Variants in MAMDC2 observed in about 807,000 individuals in gnomAD.
MAMDC2 encodes the protein MAM domain containing 2, also known as MAM domain-containing protein 2.
MAMDC2 carries 57 observed loss-of-function variants against 89.8 expected under a neutral mutation model. The observed-to-expected ratio is 0.63, with a 90% CI of 0.51 to 0.79. The LOEUF (loss-of-function observed/expected upper bound fraction) is 0.79, where lower values mean the gene tolerates loss of function less well. Among genes scored for constraint, MAMDC2 ranks in the 30% least tolerant of loss-of-function variants. The pLI, the probability that MAMDC2 is intolerant of heterozygous loss-of-function variation, is 0.00. For synonymous variants in MAMDC2, 313 were observed against 293.4 expected (o/e 1.07, Z -0.68); for missense variants, 800 against 820.6 (o/e 0.97, Z 0.31).
At chr9:70,132,426 G>A (rs1440875160) in intron 7 of MAMDC2, among the ~76,000 whole-genome samples, 2 of 152,138 alleles carry the variant, frequency 1.3e-5, no homozygotes, top group South Asian at 2.1e-4. Context: ...ATGTAGCATG[G>A]AAAGTAATTT....
chr9:70,092,783 A>G (rs1220289640), intron 2 of MAMDC2: 1 of 152,222 alleles, frequency 6.6e-6, no homozygotes, highest in Non-Finnish European at 1.5e-5. Context: ...AATGTTTTAT[A>G]TTCATGAATC....
At chr9:70,142,446 A>G (rs1009396813) in intron 8 of MAMDC2, among the ~76,000 whole-genome samples, 1 of 152,254 alleles carries the variant, frequency 6.6e-6, no homozygotes, top group Non-Finnish European at 1.5e-5. Flanking sequence ...GGTTTTAAGC[A>G]GAAAAAACAC....
intron 5 of MAMDC2, among the ~76,000 whole-genome samples, chr9:70,116,285 C>T: frequency 6.6e-6 from 1 of 152,184 alleles, no homozygotes; most frequent in East Asian, 1.9e-4. Context: ...AGTGTCAAAT[C>T]ATCCATTTGC....
At chr9:70,155,017 G>A (rs146892554) in intron 9 of MAMDC2, among the ~76,000 whole-genome samples, 26 of 152,214 alleles carry the variant, frequency 1.7e-4, no homozygotes, top group Non-Finnish European at 2.9e-4. Context: ...GGTCAGTGAT[G>A]TGGTTGCTTC....
At chr9:70,215,456 T>G (rs2033427085) in intron 11 of MAMDC2, among the ~76,000 whole-genome samples, 1 of 152,236 alleles carries the variant, frequency 6.6e-6, no homozygotes, top group Non-Finnish European at 1.5e-5. Context: ...AAAGTTGAAG[T>G]TGACTGGATG....
chr9:70,114,195 C>T (rs1287510683), intron 5 of MAMDC2, among the ~76,000 whole-genome samples: 5 of 149,468 alleles, frequency 3.3e-5, no homozygotes, highest in African/African-American at 1.2e-4. Flanking sequence ...TCCTTTATAT[C>T]CAGAGTCTCA....
intron 11 of MAMDC2, among the ~76,000 whole-genome samples, chr9:70,183,067 C>A (rs142471328): frequency 0.047 from 7,116 of 152,226 alleles, 201 homozygotes; most frequent in South Asian, 0.073. Flanking sequence ...TCATTGGTTT[C>A]AAAACACATC....
chr9:70,217,588 G>A, intron 11 of MAMDC2: 1 of 1,609,438 alleles, frequency 6.2e-7, no homozygotes, highest in South Asian at 1.1e-5. Flanking sequence ...TACTGCTAAG[G>A]CACCTACAAA....
Position 70,131,513 on chromosome 9 carries a change from C to G in MAMDC2, c.901-6C>G, listed in dbSNP as rs1357586498. Reference sequence around the variant, plus strand: ...ACATGTGACAGCATGCCATTTTCCTCTGCAGGTTATTTTTGAAGTTGCTTT... The same window carrying G: ...ACATGTGACAGCATGCCATTTTCCTGTGCAGGTTATTTTTGAAGTTGCTTT... On this transcript the variant is annotated splice_polypyrimidine_tract_variant and splice_region_variant and intron_variant, in intron 6 of 13. Coordinates refer to ENST00000377182, the MANE Select transcript of MAMDC2 (RefSeq NM_153267.5). 2 of 1,589,194 alleles carry G rather than the reference C, an allele frequency of 1.3e-6. No homozygotes were observed. Among genetic ancestry groups the G allele is most frequent in the African/African-American group, 2.7e-5 (2 of 73,428 alleles).
intron 7 of MAMDC2, among the ~76,000 whole-genome samples, chr9:70,131,848 T>C: frequency 6.6e-6 from 1 of 152,344 alleles, no homozygotes; most frequent in East Asian, 1.9e-4. Flanking sequence ...GAAGGTTTCA[T>C]CTTTCCTTTC....
chr9:70,170,461 T>A lies in MAMDC2; in HGVS notation c.1499-18T>A. The stretch of plus-strand genomic sequence containing the variant: ...TGAAAGAGTCTCAGTGATTGCAACA[T>A]CTGCTATTTTCTTGCAGAGAAACTT... On this transcript the variant is annotated intron_variant, in intron 10 of 13. Transcript: ENST00000377182. 1 of 1,594,946 alleles carries A rather than the reference T, an allele frequency of 6.3e-7. No individual in the cohort carries two copies. Among genetic ancestry groups the A allele is most frequent in the Non-Finnish European group, 8.5e-7 (1 of 1,172,390 alleles).
At chr9:70,099,424 A>G (rs1399721772) in intron 2 of MAMDC2, among the ~76,000 whole-genome samples, 1 of 152,212 alleles carries the variant, frequency 6.6e-6, no homozygotes, top group African/African-American at 2.4e-5. Flanking sequence ...TGGCTTATAC[A>G]TAATTGAGGA....
At chr9:70,162,773 G>A (rs2032018440) in intron 9 of MAMDC2, among the ~76,000 whole-genome samples, 1 of 151,922 alleles carries the variant, frequency 6.6e-6, no homozygotes, top group Admixed American at 6.6e-5. Context: ...ATGAGCCATG[G>A]CACCTGGACT....
At position 70,200,533 on chromosome 9, in the gene MAMDC2, G is replaced by C. The variant is rs1045717515; in HGVS notation, c.1652-17804G>C. Reference sequence around the variant, plus strand: ...TGGCTTAGGATTGACTTGGCGATGCGGGCTCTTTTTTGGTTCCATACGAAC... The same window carrying C: ...TGGCTTAGGATTGACTTGGCGATGCCGGCTCTTTTTTGGTTCCATACGAAC... On this transcript the variant is annotated intron_variant, in intron 11 of 13. Transcript: ENST00000377182. Among the ~76,000 whole-genome samples, 64 of 151,294 alleles carry C rather than the reference G, an allele frequency of 4.2e-4. 1 individual carries two copies. Among genetic ancestry groups the C allele is most frequent in the African/African-American group, 1.5e-3 (60 of 41,250 alleles).
chr9:70,158,434 C>T (rs999306528), intron 9 of MAMDC2, among the ~76,000 whole-genome samples: 5 of 151,266 alleles, frequency 3.3e-5, no homozygotes, highest in Admixed American at 2.0e-4. Context: ...TATATATACC[C>T]ATTTATATAT....
At chr9:70,188,191 AT>A (rs986671131) in intron 11 of MAMDC2, among the ~76,000 whole-genome samples, 2 of 152,122 alleles carry the variant, frequency 1.3e-5, no homozygotes, top group African/African-American at 4.8e-5. Context: ...GTTGCAACTT[AT>A]TTGTATATTT....
At chr9:70,174,621 A>T (rs2032441651) in intron 11 of MAMDC2, among the ~76,000 whole-genome samples, 1 of 152,156 alleles carries the variant, frequency 6.6e-6, no homozygotes, top group African/African-American at 2.4e-5. Flanking sequence ...CGGCTGGTTT[A>T]GCTATAGCCT....
intron 5 of MAMDC2, among the ~76,000 whole-genome samples, chr9:70,119,261 CTGCT>C (rs1398893913): frequency 1.3e-5 from 2 of 151,636 alleles, no homozygotes; most frequent in African/African-American, 4.9e-5. Context: ...AAAACCAAGC[CTGCT>C]TGTGGTGCTA....
intron 7 of MAMDC2, among the ~76,000 whole-genome samples, chr9:70,135,910 G>A (rs1354150588): frequency 1.3e-5 from 2 of 152,146 alleles, no homozygotes; most frequent in Non-Finnish European, 1.5e-5. Flanking sequence ...CAGCACTTTG[G>A]GAGGCAAAGG....
Sources: allele counts gnomAD v4.1 joint callset (sites outside exome capture counted in the v4.1 genomes callset), GRCh38; gene constraint gnomAD v4.1.1; transcripts MANE v1.5; gene names NCBI Gene and HGNC (gene_info 2026-07-23, HGNC 2026-07-21).